Variants in WDFY3 observed in about 807,000 individuals in gnomAD.
The protein encoded by WDFY3 is WD repeat and FYVE domain-containing protein 3.
WDFY3 carries 66 observed loss-of-function variants against 409.6 expected under a neutral mutation model. The observed-to-expected ratio is 0.16, with a 90% CI of 0.13 to 0.20. The LOEUF (loss-of-function observed/expected upper bound fraction) is 0.20. WDFY3 is among the 10% of genes least tolerant of loss of function. WDFY3 has a pLI of 1.00. For synonymous variants in WDFY3, 1,521 were observed against 1,537.1 expected (o/e 0.99, Z 0.25); for missense variants, 3,031 against 4,298.1 (o/e 0.71, Z 8.24).
intron 3 of WDFY3, among the ~76,000 whole-genome samples, chr4:84,874,110 ATCTTCTGATAAACCAAGC>A (rs1214408332): frequency 6.6e-6 from 1 of 151,466 alleles, no homozygotes; most frequent in Admixed American, 6.6e-5. Flanking sequence ...CTCCTAAGTT[ATCTTCTGATAAACCAAGC>A]AGAGACCGGG....
rs181267557 is a variant in WDFY3, at chr4:84,964,502, A to T, written c.-226+1707T>A. The stretch of plus-strand genomic sequence containing the variant: ...GAAATAAATAAATAAATTAAGAACA[A>T]CTGATGTAAACTTTTAAAATTGCAA... On this transcript the variant is annotated intron_variant, in intron 1 of 67. Transcript: ENST00000295888. 2.6e-5 allele frequency among the ~76,000 whole-genome samples: 4 copies of T among 152,286 alleles called. No homozygotes were observed. The East Asian group carries it at 7.7e-4, about 29-fold the overall frequency.
chr4:84,869,455 T>A (rs1761879630), intron 3 of WDFY3, among the ~76,000 whole-genome samples: 1 of 152,192 alleles, frequency 6.6e-6, no homozygotes, highest in Admixed American at 6.5e-5. Context: ...TAATTTTGGG[T>A]TGCTGGGTAC....
intron 3 of WDFY3, among the ~76,000 whole-genome samples, chr4:84,878,999 T>C (rs1763141750): frequency 1.3e-5 from 2 of 152,230 alleles, no homozygotes; most frequent in Admixed American, 6.5e-5. Context: ...AATGTGGCTA[T>C]ATTCATTTTC....
intron 3 of WDFY3, among the ~76,000 whole-genome samples, chr4:84,867,275 G>A (rs181762719): frequency 2.8e-4 from 43 of 152,262 alleles, no homozygotes; most frequent in Admixed American, 1.2e-3. Context: ...CTATGTTTTA[G>A]AGACTTGCAA....
At chr4:84,850,928 GTTTTTTTTTTTTTTTTTTTTTTTTT>G (rs869074191) in intron 4 of WDFY3, among the ~76,000 whole-genome samples, 527 of 46,274 alleles carry the variant, frequency 0.011, 6 homozygotes, top group Middle Eastern at 0.056. Context: ...TTATTTATCT[GTTTTTTTTTTTTTTTTTTTTTTTTT>G]TTTTTTTTTT....
At chr4:84,786,923 T>C (rs1246270305) in intron 23 of WDFY3, among the ~76,000 whole-genome samples, 1 of 152,212 alleles carries the variant, frequency 6.6e-6, no homozygotes, top group Non-Finnish European at 1.5e-5. Flanking sequence ...CTGAGATTCT[T>C]GGTGGAATCA....
intron 1 of WDFY3, chr4:84,965,795 G>GC (rs1775599940): frequency 6.6e-6 from 1 of 152,454 alleles, no homozygotes; most frequent in Admixed American, 6.5e-5. Context: ...AGCGGGGGGG[G>GC]GCCAGGGCCT....
intron 2 of WDFY3, among the ~76,000 whole-genome samples, chr4:84,915,511 C>T (rs1206663571): frequency 6.6e-6 from 1 of 152,136 alleles, no homozygotes; most frequent in East Asian, 1.9e-4. Flanking sequence ...TCTGGCCACA[C>T]TAAAGAAGCC....
At chr4:84,754,080 G>C (rs1219172013) in intron 34 of WDFY3, among the ~76,000 whole-genome samples, 1 of 152,050 alleles carries the variant, frequency 6.6e-6, no homozygotes, top group African/African-American at 2.4e-5. Flanking sequence ...AATCCCCTTA[G>C]AAACTGATAG....
At chr4:84,780,721 G>A (rs112945858) in intron 25 of WDFY3, among the ~76,000 whole-genome samples, 6,859 of 151,960 alleles carry the variant, frequency 0.045, 203 homozygotes, top group African/African-American at 0.077. Context: ...CCGAGATCGC[G>A]CCACCGCACT....
At chr4:84,722,772 C>G (rs1353103852) in intron 46 of WDFY3, among the ~76,000 whole-genome samples, 2 of 152,160 alleles carry the variant, frequency 1.3e-5, no homozygotes, top group African/African-American at 4.8e-5. Context: ...TACAGTTGCT[C>G]TAAGCACTTT....
chr4:84,757,205 G>T, intron 32 of WDFY3, 44 bp from the exon 33 acceptor site: 1 of 1,548,310 alleles, frequency 6.5e-7, no homozygotes, highest in Non-Finnish European at 8.9e-7. Context: ...ATCAGCAACT[G>T]ATAAACATGC....
intron 3 of WDFY3, among the ~76,000 whole-genome samples, chr4:84,882,307 C>A (rs1763644365): frequency 6.6e-6 from 1 of 152,130 alleles, no homozygotes; most frequent in South Asian, 2.1e-4. Context: ...AAGTGCACAG[C>A]TCCACCACCA....
In WDFY3 at chr4:84,860,277, A is replaced by G. The variant is rs1760422428; in HGVS notation, c.180+135T>C. 12 of 1,021,228 alleles carry G rather than the reference A, an allele frequency of 1.2e-5. No homozygotes were observed. In the South Asian group the frequency reaches 2.3e-4, roughly 20 times the overall value. 63.3% of individuals were successfully genotyped at this position (1,021,228 alleles called of 1,614,324 possible). A position where few individuals can be genotyped will look rare whatever the true frequency, so the allele number is the denominator to read the frequency against. On this transcript the variant is annotated intron_variant, in intron 4 of 67. Coordinates refer to ENST00000295888, the MANE Select transcript of WDFY3 (RefSeq NM_014991.6). ...CACTGCTTTATAGCAAATTGAAAAC[A>G]TGAAACGAGAACACCAAACTTCTTA...
intron 30 of WDFY3, among the ~76,000 whole-genome samples, chr4:84,768,143 T>C (rs1744014044): frequency 6.6e-6 from 1 of 152,280 alleles, no homozygotes; most frequent in South Asian, 2.1e-4. Context: ...GGTTGGTTCA[T>C]GAGGGTTAAG....
At chr4:84,749,760 C>T (rs1367184998) in intron 36 of WDFY3, among the ~76,000 whole-genome samples, 1 of 152,156 alleles carries the variant, frequency 6.6e-6, no homozygotes, top group Non-Finnish European at 1.5e-5. Context: ...AGTTTATAAT[C>T]TATCTGGAAG....
intron 1 of WDFY3, among the ~76,000 whole-genome samples, chr4:84,957,358 T>C (rs1187810610): frequency 6.6e-6 from 1 of 151,980 alleles, no homozygotes; most frequent in Admixed American, 6.6e-5. Flanking sequence ...TATTTTATCA[T>C]CTATTATACA....
rs569947052 is a variant in WDFY3 at position 84,894,006 on chromosome 4, G to A, written c.-32+2905C>T. Among the ~76,000 whole-genome samples, 780 of 151,362 alleles carry A rather than the reference G, an allele frequency of 5.2e-3. 6 individuals are homozygous for A. Among genetic ancestry groups the A allele is most frequent in the African/African-American group, 0.018 (733 of 41,310 alleles). On this transcript the variant is annotated intron_variant, in intron 3 of 67. Transcript: ENST00000295888. ...TCCGTCTCAAAAAAAAAAAAAATTA[G>A]AAAAAGGTAATTTAGCACAGAATCA...
chr4:84,914,746 A>G (rs1452526590), intron 2 of WDFY3, among the ~76,000 whole-genome samples: 1 of 152,332 alleles, frequency 6.6e-6, no homozygotes, highest in East Asian at 1.9e-4. Flanking sequence ...AGAAAAATGC[A>G]AAATGGTGCA....
Sources: allele counts gnomAD v4.1 joint callset (sites outside exome capture counted in the v4.1 genomes callset), GRCh38; gene constraint gnomAD v4.1.1; transcripts MANE v1.5; gene names NCBI Gene and HGNC (gene_info 2026-07-23, HGNC 2026-07-21).